Variants in CDH23 observed in about 807,000 individuals in gnomAD.
CDH23 encodes the protein cadherin-23.
A neutral mutation model predicts 317.1 loss-of-function variants in CDH23; 189 were observed. The ratio of observed to expected loss-of-function variants is 0.60; its 90% CI spans 0.53 to 0.67. The LOEUF (loss-of-function observed/expected upper bound fraction) is 0.67, where lower values mean the gene tolerates loss of function less well. Among genes scored for constraint, CDH23 ranks in the 30% least tolerant of loss-of-function variants. The pLI is 0.00. For missense variants in CDH23, 4,401 were observed against 4,592.4 expected, an observed-to-expected ratio of 0.96 and a Z score of 1.20; for synonymous variants, 1,839 against 1,876.8, an observed-to-expected ratio of 0.98 and a Z score of 0.52.
At chr10:71,458,169 G>A (rs994119249) in intron 3 of CDH23, among the ~76,000 whole-genome samples, 1 of 152,264 alleles carries the variant, frequency 6.6e-6, no homozygotes, top group East Asian at 1.9e-4. Flanking sequence ...ACACCCCTCA[G>A]GGGACCTGTG....
At chr10:71,748,504 T>G (rs1281539040) in intron 38 of CDH23, 1 of 152,266 alleles carries the variant, frequency 6.6e-6, no homozygotes, top group Non-Finnish European at 1.5e-5. Context: ...AGCCTCTCCC[T>G]GGGAGGGAAT....
chr10:71,789,205 C>T (rs1258285742), intron 45 of CDH23, among the ~76,000 whole-genome samples, 163 bp downstream of exon 45: 2 of 152,212 alleles, frequency 1.3e-5, no homozygotes, highest in Non-Finnish European at 2.9e-5. Flanking sequence ...TGGGCTGGGG[C>T]TCCCGGGCCT....
chr10:71,411,115 G>A (rs1373866400), intron 1 of CDH23, among the ~76,000 whole-genome samples: 1 of 151,992 alleles, frequency 6.6e-6, no homozygotes, highest in Non-Finnish European at 1.5e-5. Flanking sequence ...TTTAATTTTG[G>A]CTTTCTGCAT....
chr10:71,461,311 C>T (rs1250776960), intron 3 of CDH23, among the ~76,000 whole-genome samples: 1 of 152,226 alleles, frequency 6.6e-6, no homozygotes, highest in East Asian at 1.9e-4. Flanking sequence ...CCTCGGAGTC[C>T]CCTGGGGACT....
intron 38 of CDH23, among the ~76,000 whole-genome samples, chr10:71,772,485 T>G (rs1840708574): frequency 6.6e-6 from 1 of 152,344 alleles, no homozygotes; most frequent in South Asian, 2.1e-4. Context: ...AACCAGGCCA[T>G]GGGTACCAGG....
At chr10:71,511,763 A>C (rs1854003327) in intron 6 of CDH23, 1 of 158,446 alleles carries the variant, frequency 6.3e-6, no homozygotes, top group Non-Finnish European at 1.4e-5. Context: ...TGAGAAGTAC[A>C]AATTATTGCA....
At chr10:71,577,685 G>A (rs1346018609) in intron 8 of CDH23, among the ~76,000 whole-genome samples, 1 of 152,220 alleles carries the variant, frequency 6.6e-6, no homozygotes, top group African/African-American at 2.4e-5. Context: ...GGGGAAAGGG[G>A]AATGATAACA....
Position 71,732,150 on chromosome 10 carries a change from C to T in CDH23, c.3879C>T (p.Asn1293=). 1 of 1,614,042 alleles carries T rather than the reference C, an allele frequency of 6.2e-7. No individual in the cohort carries two copies. Among genetic ancestry groups the T allele is most frequent in the Non-Finnish European group, 8.5e-7 (1 of 1,179,902 alleles). ...VSATDQAPPF[N]QGFCSVYITL... ...CCACTGACCAGGCCCCGCCCTTCAA[C>T]CAGGGCTTCTGCAGCGTCTACATCA... Residue 1293 remains asparagine (N), a synonymous_variant, in exon 32 of 70, where the codon AAC becomes AAT. Transcript: ENST00000224721.
rs1401159676 is a variant in CDH23 at position 71,791,342 on chromosome 10, A to C, written c.6253+7A>C. 4 of 1,612,284 alleles carry C rather than the reference A, an allele frequency of 2.5e-6. No individual in the cohort carries two copies. The South Asian group carries it at 3.3e-5, about 13-fold the overall frequency. ...CTAGAGAACTGCCCGCCTGGTAAGC[A>C]GGGGACAGGCCCCAGCACCCCACAA... On this transcript the variant is annotated splice_region_variant and intron_variant, in intron 47 of 69. Coordinates refer to ENST00000224721, the MANE Select transcript of CDH23 (RefSeq NM_022124.6).
chr10:71,673,625 G>T (rs1864236264), intron 14 of CDH23, among the ~76,000 whole-genome samples: 1 of 152,226 alleles, frequency 6.6e-6, no homozygotes, highest in African/African-American at 2.4e-5. Context: ...GAGGGCAAGG[G>T]CATGGCTAGG....
At chr10:71,645,345 C>T (rs1240218429) in intron 12 of CDH23, among the ~76,000 whole-genome samples, 1 of 152,190 alleles carries the variant, frequency 6.6e-6, no homozygotes, top group Non-Finnish European at 1.5e-5. Flanking sequence ...CTGCTGGACA[C>T]GTTCCAGAGG....
chr10:71,598,765 T>G lies in CDH23; in HGVS notation c.833-16739T>G, dbSNP rs376082791. ...GGTCGAAAAGGCAAGGACGTCTCTC[T>G]TTTTCCTGTTTCTCGCTTGCTCAGC... On this transcript the variant is annotated intron_variant, in intron 9 of 69. Coordinates refer to ENST00000224721, the MANE Select transcript of CDH23 (RefSeq NM_022124.6). Among the ~76,000 whole-genome samples, 239 of 152,406 alleles carry G rather than the reference T, an allele frequency of 1.6e-3. 2 individuals carry two copies. The highest frequency in any genetic ancestry group is 7.7e-3 in the South Asian group (37 of 4,830).
intron 9 of CDH23, among the ~76,000 whole-genome samples, chr10:71,589,231 T>C (rs1343070131): frequency 6.6e-6 from 1 of 152,198 alleles, no homozygotes; most frequent in Non-Finnish European, 1.5e-5. Flanking sequence ...GCAATTCTCC[T>C]GCCTTAGCCT....
intron 3 of CDH23, among the ~76,000 whole-genome samples, chr10:71,482,004 C>A (rs536499945): frequency 1.3e-5 from 2 of 152,234 alleles, no homozygotes; most frequent in East Asian, 3.9e-4. Context: ...GAGTGTGAGT[C>A]CTCTTCCCAC....
At chr10:71,812,992 A>C (rs1589440185) in intron 68 of CDH23, 102 bp downstream of exon 68, 1 of 1,526,274 alleles carries the variant, frequency 6.6e-7, no homozygotes, top group Non-Finnish European at 8.8e-7. Context: ...AGCTAGACCC[A>C]CCCTCCACTG....
At chr10:71,789,159 C>G in intron 45 of CDH23, 117 bp downstream of exon 45, 2 of 616,126 alleles carry the variant, frequency 3.2e-6, no homozygotes, top group Non-Finnish European at 5.8e-6. Flanking sequence ...CCAGTGGGTG[C>G]GGGAGGGGAA....
At chr10:71,538,882 T>C (rs555020206) in intron 6 of CDH23, among the ~76,000 whole-genome samples, 1 of 152,192 alleles carries the variant, frequency 6.6e-6, no homozygotes, top group Non-Finnish European at 1.5e-5. Context: ...GGCAGTGTTT[T>C]GCCAAGTTCT....
At chr10:71,759,046 G>GC in intron 38 of CDH23, among the ~76,000 whole-genome samples, 1 of 145,600 alleles carries the variant, frequency 6.9e-6, no homozygotes, top group South Asian at 2.2e-4. Flanking sequence ...ATTTTGGGTT[G>GC]TTTTTTTTTT....
chr10:71,453,694 T>C (rs1196512699), intron 3 of CDH23, among the ~76,000 whole-genome samples: 2 of 152,250 alleles, frequency 1.3e-5, no homozygotes, highest in African/African-American at 4.8e-5. Context: ...GAGAATTATT[T>C]TTCTCTTAAC....
Sources: gnomAD v4.1 joint callset for allele counts (sites outside exome capture counted in the v4.1 genomes callset) on GRCh38, gnomAD v4.1.1 for gene constraint, MANE v1.5 for transcripts, NCBI Gene and HGNC (gene_info 2026-07-23, HGNC 2026-07-21) for gene names.